Variants in TMEM135 observed in about 807,000 individuals in gnomAD.
TMEM135 encodes the protein peroxisomal membrane protein 52.
In TMEM135, 30 loss-of-function variants were observed where a neutral mutation model predicts 60.3. The observed-to-expected ratio is 0.50, with a 90% CI of 0.37 to 0.68. The LOEUF (loss-of-function observed/expected upper bound fraction) is 0.68. TMEM135 is among the 30% of genes least tolerant of loss of function. The probability of loss-of-function intolerance (pLI) is 0.00; values close to 1 mark genes in which losing one functional copy is unlikely to be tolerated. For missense variants in TMEM135, 468 were observed against 548.8 expected (o/e 0.85, Z 1.47); for synonymous variants, 190 against 186.7 (o/e 1.02, Z -0.14).
intron 5 of TMEM135, among the ~76,000 whole-genome samples, chr11:87,204,663 G>A (rs1262147894): frequency 6.6e-6 from 1 of 152,150 alleles, no homozygotes; most frequent in Non-Finnish European, 1.5e-5. Flanking sequence ...TATGTTTACT[G>A]TTCTTTAAGT....
chr11:87,239,441 G>A (rs972203842), intron 6 of TMEM135, among the ~76,000 whole-genome samples: 1 of 151,190 alleles, frequency 6.6e-6, no homozygotes, highest in African/African-American at 2.4e-5. Context: ...AAACACTATT[G>A]TACATAACAC....
At chr11:87,184,852 T>A (rs566431245) in intron 5 of TMEM135, among the ~76,000 whole-genome samples, 12 of 152,336 alleles carry the variant, frequency 7.9e-5, no homozygotes, top group Admixed American at 5.2e-4. Context: ...TGGTTTACCT[T>A]TGTGAAAACC....
intron 6 of TMEM135, among the ~76,000 whole-genome samples, chr11:87,241,581 A>G (rs1238868045): frequency 1.3e-5 from 2 of 152,094 alleles, no homozygotes; most frequent in African/African-American, 2.4e-5. Flanking sequence ...CTGTTGTGCT[A>G]TCAAATAGTA....
chr11:87,220,046 AT>A (rs1940584788), intron 5 of TMEM135, among the ~76,000 whole-genome samples: 1 of 152,160 alleles, frequency 6.6e-6, no homozygotes, highest in Non-Finnish European at 1.5e-5. Flanking sequence ...CAATACTTTA[AT>A]GTTTAGTTTT....
At chr11:87,179,334 A>T (rs1299188473) in intron 5 of TMEM135, among the ~76,000 whole-genome samples, 1 of 152,068 alleles carries the variant, frequency 6.6e-6, no homozygotes, top group Non-Finnish European at 1.5e-5. Flanking sequence ...CTGTGTTTTC[A>T]CTTTCTAAAT....
chr11:87,143,313 T>C (rs1938316910), intron 4 of TMEM135, among the ~76,000 whole-genome samples: 1 of 152,050 alleles, frequency 6.6e-6, no homozygotes, highest in Non-Finnish European at 1.5e-5. Flanking sequence ...TGAAATGCAA[T>C]ACCTGGACCC....
rs568625218 is a variant in TMEM135 at position 87,047,142 on chromosome 11, C to T, written c.141+8956C>T. 5.3e-5 allele frequency among the ~76,000 whole-genome samples: 8 copies of T among 152,270 alleles called. No homozygotes were observed. In the South Asian group the frequency reaches 6.2e-4, roughly 12 times the overall value. The stretch of plus-strand genomic sequence containing the variant: ...GTTGCTTGTTTAATTACATTTCATG[C>T]GATTTTCCCCTTTGCTTTTCCACCT... On this transcript the variant is annotated intron_variant, in intron 1 of 14. Transcript: ENST00000305494.
At chr11:87,126,982 T>C (rs1482844146) in intron 4 of TMEM135, among the ~76,000 whole-genome samples, 1 of 152,174 alleles carries the variant, frequency 6.6e-6, no homozygotes, top group African/African-American at 2.4e-5. Context: ...AGAATACATA[T>C]ATAAGTGTAG....
At chr11:87,172,595 G>T (rs1436298998) in intron 5 of TMEM135, among the ~76,000 whole-genome samples, 1 of 151,834 alleles carries the variant, frequency 6.6e-6, no homozygotes, top group Non-Finnish European at 1.5e-5. Context: ...CTTTGTTAGG[G>T]ATTTCTATTT....
chr11:87,205,773 T>C lies in TMEM135; in HGVS notation c.463-30865T>C, dbSNP rs182042275. Among the ~76,000 whole-genome samples, 292 of 152,292 alleles carry C rather than the reference T, an allele frequency of 1.9e-3. 1 individual carries two copies. The highest frequency in any genetic ancestry group is 6.7e-3 in the African/African-American group (278 of 41,578). On this transcript the variant is annotated intron_variant, in intron 5 of 14. Coordinates refer to ENST00000305494, the MANE Select transcript of TMEM135 (RefSeq NM_022918.4). The stretch of plus-strand genomic sequence containing the variant: ...GCTGAATATAATATTTTAAGTTAAG[T>C]TTCGTTCTTGATCTGTATCCTCTTG...
chr11:87,169,919 C>T (rs1565471916), intron 5 of TMEM135, among the ~76,000 whole-genome samples: 1 of 152,068 alleles, frequency 6.6e-6, no homozygotes, highest in Non-Finnish European at 1.5e-5. Context: ...CCATTCTCCC[C>T]ATCATTTTCA....
chr11:87,313,320 C>T (rs1191194005), intron 10 of TMEM135, 105 bp from the exon 11 acceptor site: 4 of 872,168 alleles, frequency 4.6e-6, no homozygotes, highest in Non-Finnish European at 7.6e-6. Context: ...CACTAATTGG[C>T]CTGCAAGGTA....
At chr11:87,283,447 G>A (rs184434008) in intron 6 of TMEM135, among the ~76,000 whole-genome samples, 17 of 152,210 alleles carry the variant, frequency 1.1e-4, no homozygotes, top group Admixed American at 5.2e-4. Flanking sequence ...TATCAAATAA[G>A]CATAAATTTA....
chr11:87,246,221 G>A (rs899817304), intron 6 of TMEM135, among the ~76,000 whole-genome samples: 6 of 147,724 alleles, frequency 4.1e-5, no homozygotes, highest in East Asian at 2.0e-4. Context: ...CAAGAGATCC[G>A]CTGTTAGTCC....
chr11:87,143,161 A>G (rs1938312294), intron 4 of TMEM135, among the ~76,000 whole-genome samples: 1 of 152,040 alleles, frequency 6.6e-6, no homozygotes, highest in Admixed American at 6.6e-5. Flanking sequence ...ATTTCCATTT[A>G]GTTCTTTGTT....
chr11:87,078,450 G>T (rs771205014), intron 3 of TMEM135, among the ~76,000 whole-genome samples: 1 of 151,904 alleles, frequency 6.6e-6, no homozygotes, highest in Non-Finnish European at 1.5e-5. Flanking sequence ...GAGTTGTAAG[G>T]GTTCTTTAGA....
chr11:87,135,720 A>C (rs1053678416), intron 4 of TMEM135, among the ~76,000 whole-genome samples: 2 of 152,004 alleles, frequency 1.3e-5, no homozygotes, highest in East Asian at 3.9e-4. Flanking sequence ...TGACTGTTGT[A>C]GGTCCTTTGC....
At chr11:87,121,988 T>G (rs138585677) in intron 4 of TMEM135, among the ~76,000 whole-genome samples, 1 of 152,310 alleles carries the variant, frequency 6.6e-6, no homozygotes, top group African/African-American at 2.4e-5. Flanking sequence ...TTTGATAACT[T>G]GGCCAGTTAG....
intron 4 of TMEM135, among the ~76,000 whole-genome samples, chr11:87,140,550 T>C (rs1211312159): frequency 6.6e-6 from 1 of 152,190 alleles, no homozygotes; most frequent in Non-Finnish European, 1.5e-5. Context: ...AGAGGGAATA[T>C]GTATGGGGGA....
Sources: allele counts gnomAD v4.1 joint callset (sites outside exome capture counted in the v4.1 genomes callset), GRCh38; gene constraint gnomAD v4.1.1; transcripts MANE v1.5; gene names NCBI Gene and HGNC (gene_info 2026-07-23, HGNC 2026-07-21).